Variants in MIGA2 observed in about 807,000 individuals in gnomAD.
The protein encoded by MIGA2 is mitoguardin 2, also known as family with sequence similarity 73, member B.
A neutral mutation model predicts 69.9 loss-of-function variants in MIGA2; 36 were observed. The ratio of observed to expected loss-of-function variants is 0.52; its 90% CI spans 0.39 to 0.68. MIGA2 has a LOEUF of 0.68. Ranked by LOEUF, MIGA2 falls within the 30% of genes least tolerant of loss-of-function variation. The pLI is 0.00. For synonymous variants in MIGA2, 333 were observed against 349.2 expected (o/e 0.95, Z 0.52); for missense variants, 660 against 787.7 (o/e 0.84, Z 1.94).
Position 129,069,818 on chromosome 9 carries a change from G to A in MIGA2, c.1459-31G>A, listed in dbSNP as rs772580207. On this transcript the variant is annotated intron_variant, in intron 14 of 15. Coordinates refer to ENST00000684074, the MANE Select transcript of MIGA2 (RefSeq NM_001329990.2). This position sits in a 1 kb window ranked among gnomAD's most constrained non-coding sequence, Gnocchi z 4.9. ...GGTGCCCTCATCCTACCTGGGCCCCGCCTGGCCCCTCAGCCTTGTGCCCAC... is the reference window on the plus strand; with the variant it reads ...GGTGCCCTCATCCTACCTGGGCCCCACCTGGCCCCTCAGCCTTGTGCCCAC... 31 of 1,529,850 alleles carry A rather than the reference G, an allele frequency of 2.0e-5. No homozygotes were observed. In the East Asian group the frequency reaches 5.2e-4, roughly 26 times the overall value. The allele number at this position is 1,529,850 out of a possible 1,614,324, so 94.8% of individuals were successfully genotyped here.
At chr9:129,057,386 C>A (rs550725284) in intron 6 of MIGA2, among the ~76,000 whole-genome samples, 2 of 151,070 alleles carry the variant, frequency 1.3e-5, no homozygotes, top group African/African-American at 4.9e-5. Flanking sequence ...CTCCCCCTCC[C>A]GGGTTCATGC....
intron 4 of MIGA2, 43 bp from the exon 5 acceptor site, chr9:129,049,338 C>A: frequency 3.1e-6 from 5 of 1,593,184 alleles, no homozygotes; most frequent in East Asian, 2.2e-5. Flanking sequence ...GCAGAGAGCC[C>A]GGGAAAGCTT....
chr9:129,064,288 G>A (rs182514127), intron 11 of MIGA2, among the ~76,000 whole-genome samples: 4 of 151,618 alleles, frequency 2.6e-5, no homozygotes, highest in African/African-American at 9.7e-5. Context: ...CTCACTGCAA[G>A]CTCCGCCTCC....
intron 1 of MIGA2, among the ~76,000 whole-genome samples, chr9:129,039,389 G>A (rs1409665834): frequency 1.3e-5 from 2 of 151,772 alleles, no homozygotes; most frequent in Non-Finnish European, 2.9e-5. Context: ...GTGATTACAG[G>A]TGCCCGCTAC....
Position 129,049,517 on chromosome 9 carries a change from T to A in MIGA2, c.538+19T>A, listed in dbSNP as rs1183014852. The A allele has an allele frequency of 6.2e-7, 1 of 1,609,068 alleles. No homozygotes were observed. The highest frequency in any genetic ancestry group is 1.3e-5 in the African/African-American group (1 of 74,842). On this transcript the variant is annotated intron_variant, in intron 5 of 15. Transcript: ENST00000684074. ...ATGCAAGGTGTGGCCAGGAGGTGCC[T>A]CAGCTTCGAGGGCAGGGTGGGTGGC...
chr9:129,067,414 G>A (rs1249185252), intron 11 of MIGA2: 2 of 252,334 alleles, frequency 7.9e-6, no homozygotes, highest in East Asian at 9.7e-5. Context: ...TCAGGGTGCG[G>A]CTGTAGCTTC....
Position 129,048,509 on chromosome 9 carries a change from G to C in MIGA2, c.390G>C (p.Lys130Asn), listed in dbSNP as rs1384513644. 6.2e-7 allele frequency: 1 copy of C among 1,614,014 alleles called. No homozygotes were observed. The highest frequency in any genetic ancestry group is 2.2e-5 in the East Asian group (1 of 44,872). The change falls in exon 4 of 16, where the codon AAG (lysine) becomes AAC (asparagine). Residue 130 changes from lysine to asparagine, a missense_variant. Physicochemically the swap from Lys to Asn is moderately conservative, Grantham distance 94. This residue lies in a region of MIGA2 where 386 missense variants were observed against 402.0 expected (regional missense o/e 0.96). Coordinates refer to ENST00000684074, the MANE Select transcript of MIGA2 (RefSeq NM_001329990.2). ...LSGISSIEPS[K>N]HSGSSHSVAS... ...GCATCTCTTCCATTGAGCCCAGCAA[G>C]CACTCGGGCTCCTCCCACAGTGTGG...
chr9:129,056,805 A>G (rs1053049404), intron 6 of MIGA2, among the ~76,000 whole-genome samples: 3 of 152,130 alleles, frequency 2.0e-5, no homozygotes, highest in Non-Finnish European at 4.4e-5. Context: ...GGCATGAGCC[A>G]CTGCACCCAG....
intron 1 of MIGA2, among the ~76,000 whole-genome samples, chr9:129,038,293 T>G (rs537562039): frequency 2.6e-5 from 4 of 152,274 alleles, no homozygotes; most frequent in Non-Finnish European, 4.4e-5. Flanking sequence ...TCCCACTCAC[T>G]GGGGAGAAGC....
chr9:129,068,303 CGCTG>C lies in MIGA2; in HGVS notation c.1380_1383del (p.Trp460CysfsTer18). On this transcript the variant is annotated frameshift_variant, in exon 13 of 16. Coordinates refer to ENST00000684074, the MANE Select transcript of MIGA2 (RefSeq NM_001329990.2). LOFTEE classifies it high-confidence loss of function. This position sits in a 1 kb window ranked among gnomAD's most constrained non-coding sequence, Gnocchi z 4.1. ...CTCGGTGCTCGCCGTCCTGCGGAAC[CGCTG>C]GCTGTCAGACAGCTTCAAGGAGACG... 6.2e-7 allele frequency: 1 copy of C among 1,608,622 alleles called. No homozygotes were observed. The highest frequency in any genetic ancestry group is 8.5e-7 in the Non-Finnish European group (1 of 1,178,764).
In MIGA2 at chr9:129,060,994, GTGTCCTTTAGA is replaced by G. The variant is rs560784731; in HGVS notation, c.895-234_895-224del. ...CCTTGGGATGGGAGGACATGCACAT[GTGTCCTTTAGA>G]TGGCCTTTTTGGGAGGGACCCCTGG... is the stretch of plus-strand genomic sequence containing the variant. On this transcript the variant is annotated intron_variant, in intron 8 of 15. Coordinates refer to ENST00000684074, the MANE Select transcript of MIGA2 (RefSeq NM_001329990.2). This position sits in a 1 kb window ranked among gnomAD's most constrained non-coding sequence, Gnocchi z 4.8. Among the ~76,000 whole-genome samples, 260 of 152,340 alleles carry G rather than the reference GTGTCCTTTAGA, an allele frequency of 1.7e-3. 1 individual carries two copies. Among genetic ancestry groups the G allele is most frequent in the African/African-American group, 5.9e-3 (247 of 41,592 alleles).
In MIGA2 at chr9:129,059,900, A is replaced by G. The variant is rs1845975085; in HGVS notation, c.793+629A>G. 6.6e-6 allele frequency among the ~76,000 whole-genome samples: 1 copy of G among 151,990 alleles called. No individual in the cohort carries two copies. The highest frequency in any genetic ancestry group is 1.5e-5 in the Non-Finnish European group (1 of 67,958). The stretch of plus-strand genomic sequence containing the variant: ...CCGGAGTGGGTCGGCCGAGCCACGC[A>G]CCCTGCCCTGGCTTCTCCCCACGTG... On this transcript the variant is annotated intron_variant, in intron 7 of 15. Transcript: ENST00000684074. The surrounding 1 kb of genome is among the most constrained non-coding windows in gnomAD (Gnocchi z 5.6).
In MIGA2 at chr9:129,061,183, G is replaced by A; in HGVS notation, c.895-48G>A. ...GGCAGGTGCCCTTGCGCCGTGGCGT[G>A]CTGCTCACATGGGCTTCCCTGGTCT... On this transcript the variant is annotated intron_variant, in intron 8 of 15. Transcript: ENST00000684074. The surrounding 1 kb of genome is among the most constrained non-coding windows in gnomAD (Gnocchi z 5.0). 1 of 1,527,436 alleles carries A rather than the reference G, an allele frequency of 6.5e-7. No homozygotes were observed. Among genetic ancestry groups the A allele is most frequent in the East Asian group, 2.3e-5 (1 of 42,766 alleles). The allele number at this position is 1,527,436 out of a possible 1,614,324, so 94.6% of individuals were successfully genotyped here.
intron 3 of MIGA2, among the ~76,000 whole-genome samples, chr9:129,044,414 T>TA (rs1201156436): frequency 1.3e-5 from 2 of 152,176 alleles, no homozygotes; most frequent in Non-Finnish European, 2.9e-5. Flanking sequence ...TCAGCTCTGG[T>TA]AGCCACTGCT....
In MIGA2 at chr9:129,049,896, G is replaced by A. The variant is rs1845427222; in HGVS notation, c.608G>A (p.Ser203Asn). 6.2e-7 allele frequency: 1 copy of A among 1,613,926 alleles called. No homozygotes were observed. The change falls in exon 6 of 16, where the codon AGC becomes AAC. Residue 203 changes from serine to asparagine, a missense_variant. Ser to Asn is a conservative substitution (Grantham distance 46). This residue lies in a region of MIGA2 where 386 missense variants were observed against 402.0 expected (regional missense o/e 0.96). Coordinates refer to ENST00000684074, the MANE Select transcript of MIGA2 (RefSeq NM_001329990.2). Reference sequence around the variant, plus strand: ...CTAAGCGTGGGCCAGCGGGGGGACAGCGGCAGCACCCCCATGCCCAGGGAC... The same window carrying A: ...CTAAGCGTGGGCCAGCGGGGGGACAACGGCAGCACCCCCATGCCCAGGGAC... ...QALSVGQRGDSGSTPMPRDGL... is the reference protein window; with the variant it reads ...QALSVGQRGDNGSTPMPRDGL...
rs1846007237 is a variant in MIGA2 at position 129,060,459 on chromosome 9, CT to C, written c.794-90del. 2 of 1,069,806 alleles carry C rather than the reference CT, an allele frequency of 1.9e-6. No homozygotes were observed. 66.3% of individuals were successfully genotyped at this position (1,069,806 alleles called of 1,614,324 possible). ...TCACAGGCTCGGGATGAAGCCTCCC[CT>C]GGGCCTGATGGGGGACTTCGTGTAC... is the stretch of plus-strand genomic sequence containing the variant. On this transcript the variant is annotated intron_variant, in intron 7 of 15. Coordinates refer to ENST00000684074, the MANE Select transcript of MIGA2 (RefSeq NM_001329990.2). This position sits in a 1 kb window ranked among gnomAD's most constrained non-coding sequence, Gnocchi z 4.8.
At chr9:129,043,142 C>T (rs7035942) in intron 3 of MIGA2, among the ~76,000 whole-genome samples, 10,729 of 151,032 alleles carry the variant, frequency 0.071, 764 homozygotes, top group Admixed American at 0.19. Context: ...TGCAGTGAGC[C>T]GAGATTGCGC....
intron 6 of MIGA2, among the ~76,000 whole-genome samples, chr9:129,052,119 C>G (rs997028020): frequency 6.6e-6 from 1 of 151,748 alleles, no homozygotes; most frequent in African/African-American, 2.4e-5. Context: ...AGCCACCGCG[C>G]CCAGCCTGTA....
rs1846580786 is a variant in MIGA2, at chr9:129,069,925, G to C, written c.1535G>C (p.Gly512Ala). Residue 512 changes from glycine to alanine, a missense_variant, in exon 15 of 16, where the codon GGA (glycine) becomes GCA (alanine). By Grantham distance (60) the Gly-to-Ala change is moderately conservative. Coordinates refer to ENST00000684074, the MANE Select transcript of MIGA2 (RefSeq NM_001329990.2). The surrounding 1 kb of genome is among the most constrained non-coding windows in gnomAD (Gnocchi z 4.9). ...CCTGTCCTAGCCTTCGGCTTCCTTG[G>C]ACCCAAGCCTCAGCTTGCTGAAGTC... ...VSPVLAFGFL[G>A]PKPQLAEVCA... The C allele has an allele frequency of 6.2e-7, 1 of 1,612,248 alleles. No homozygotes were observed. The highest frequency in any genetic ancestry group is 8.5e-7 in the Non-Finnish European group (1 of 1,179,362).
Sources: allele counts gnomAD v4.1 joint callset (sites outside exome capture counted in the v4.1 genomes callset), GRCh38; gene constraint gnomAD v4.1.1; regional missense constraint gnomAD v4.1.1; non-coding constraint Gnocchi (gnomAD v3.1); transcripts MANE v1.5; gene names NCBI Gene and HGNC (gene_info 2026-07-23, HGNC 2026-07-21).